PPP2R3C: variants seen among roughly 807,000 people sequenced by gnomAD.
PPP2R3C encodes protein phosphatase 2 regulatory subunit B''gamma, also known as serine/threonine-protein phosphatase 2A regulatory subunit B'' subunit gamma.
PPP2R3C carries 47 observed loss-of-function variants against 63.7 expected under a neutral mutation model. That is an observed-to-expected ratio of 0.74 (90% confidence interval 0.58 to 0.94). PPP2R3C has a LOEUF of 0.94. Among genes scored for constraint, PPP2R3C ranks in the 40% least tolerant of loss-of-function variants. The pLI, the probability that PPP2R3C is intolerant of heterozygous loss-of-function variation, is 0.00. For missense variants in PPP2R3C, 421 were observed against 518.4 expected, an observed-to-expected ratio of 0.81 and a Z score of 1.82; for synonymous variants, 180 against 177.4, an observed-to-expected ratio of 1.01 and a Z score of -0.12.
chr14:35,109,783 C>A (rs1000215315), intron 4 of PPP2R3C, 36 bp downstream of exon 4: 1 of 1,488,218 alleles, frequency 6.7e-7, no homozygotes, highest in African/African-American at 1.4e-5. Flanking sequence ...AAATGCTTAA[C>A]ATAACACATT....
chr14:35,093,222 CA>C (rs1196693677), intron 10 of PPP2R3C, among the ~76,000 whole-genome samples: 1 of 151,570 alleles, frequency 6.6e-6, no homozygotes, highest in African/African-American at 2.4e-5. Flanking sequence ...AAAACAAAAA[CA>C]AAAACAACAA....
intron 2 of PPP2R3C, among the ~76,000 whole-genome samples, chr14:35,114,197 C>A (rs1369990140): frequency 1.3e-5 from 2 of 152,054 alleles, no homozygotes; most frequent in South Asian, 2.1e-4. Flanking sequence ...TACACAGATA[C>A]CCACAGAAAT....
intron 3 of PPP2R3C, chr14:35,110,252 C>T (rs980922085): frequency 8.7e-5 from 38 of 437,816 alleles, no homozygotes; most frequent in African/African-American, 7.5e-4. Context: ...GGATTTGAAC[C>T]TCTGTAGTCT....
chr14:35,096,764 C>T lies in PPP2R3C; in HGVS notation c.707G>A (p.Gly236Glu), dbSNP rs145714144. The change falls in exon 8 of 13, where the codon GGA becomes GAA. Residue 236 changes from glycine to glutamate, a missense_variant and splice_region_variant. By Grantham distance (98) the Gly-to-Glu change is moderately conservative (BLOSUM62 -2). Transcript: ENST00000261475. ...FFFFLDPLRTGKIKIQDILAC... is the reference protein window; with the variant it reads ...FFFFLDPLRTEKIKIQDILAC... The stretch of plus-strand genomic sequence containing the variant: ...TAAAATATCTTGAATTTTTATCTTT[C>T]CTTTAAGAACATAAAGAAACACAAT... The T allele has an allele frequency of 2.5e-6, 4 of 1,573,958 alleles. No homozygotes were observed. Among genetic ancestry groups the T allele is most frequent in the Non-Finnish European group, 3.4e-6 (4 of 1,160,340 alleles).
intron 7 of PPP2R3C, among the ~76,000 whole-genome samples, chr14:35,097,359 T>C (rs554356607): frequency 2.6e-5 from 4 of 152,320 alleles, no homozygotes; most frequent in African/African-American, 9.6e-5. Context: ...ATAGATATAG[T>C]ACTGCTGGTA....
At chr14:35,091,235 G>A in intron 10 of PPP2R3C, 28 bp from the exon 11 acceptor site, 2 of 1,560,928 alleles carry the variant, frequency 1.3e-6, no homozygotes, top group Non-Finnish European at 1.7e-6. Flanking sequence ...ATGTTCATTA[G>A]AGGCCTTAGT....
At chr14:35,117,028 G>A in intron 1 of PPP2R3C, 2 of 456,992 alleles carry the variant, frequency 4.4e-6, no homozygotes, top group South Asian at 1.6e-5. Flanking sequence ...GAACTCTGTA[G>A]AGTGCTCCTA....
In PPP2R3C at chr14:35,085,722, A is replaced by G. The variant is rs1256878179; in HGVS notation, c.1230T>C (p.Asp410=). 3.1e-6 allele frequency: 5 copies of G among 1,612,620 alleles called. No homozygotes were observed. In the South Asian group the frequency reaches 5.5e-5, roughly 18 times the overall value. ...PKDPLKISLQ[D]LINSNQGDTV... ...TGTCTCCTTGATTACTGTTGATTAA[A>G]TCCTGAAGAGAGATTTTCAAAGGAT... Residue 410 remains aspartate, a synonymous_variant, in exon 13 of 13, where the codon GAT becomes GAC. Coordinates refer to ENST00000261475, the MANE Select transcript of PPP2R3C (RefSeq NM_017917.4).
intron 1 of PPP2R3C, among the ~76,000 whole-genome samples, chr14:35,119,250 C>T (rs906595097): frequency 6.6e-6 from 1 of 152,112 alleles, no homozygotes; most frequent in Non-Finnish European, 1.5e-5. Flanking sequence ...GTTGGCCAGG[C>T]TGGTCTTGAA....
rs1315211417 is a variant in PPP2R3C, at chr14:35,085,711, C to T, written c.1241G>A (p.Ser414Asn). ...GGTGGTTACTGTGTCTCCTTGATTA[C>T]TGTTGATTAAATCCTGAAGAGAGAT... ...LKISLQDLIN[S>N]NQGDTVTTIL... Residue 414 changes from serine (S) to asparagine (N), a missense_variant, in exon 13 of 13, where the codon AGT (serine) becomes AAT (asparagine). Ser to Asn is a conservative substitution (Grantham distance 46). Around this residue, in one of 3 missense-constraint regions of PPP2R3C, gnomAD observed 231 missense variants for 264.8 expected, o/e 0.87. Coordinates refer to ENST00000261475, the MANE Select transcript of PPP2R3C (RefSeq NM_017917.4). The T allele has an allele frequency of 1.2e-6, 2 of 1,612,282 alleles. No homozygotes were observed. Among genetic ancestry groups the T allele is most frequent in the East Asian group, 2.2e-5 (1 of 44,860 alleles).
chr14:35,122,279 G>A, upstream of PPP2R3C: 2 of 350,100 alleles, frequency 5.7e-6, no homozygotes, highest in Non-Finnish European at 1.1e-5. Context: ...TGTGCCTTTG[G>A]CGCGTGCGCA....
At chr14:35,094,479 TTTAA>T (rs2045931312) in intron 10 of PPP2R3C, among the ~76,000 whole-genome samples, 1 of 149,132 alleles carries the variant, frequency 6.7e-6, no homozygotes, top group Non-Finnish European at 1.5e-5. Context: ...TCAGCTTTTT[TTTAA>T]AAAAAAAAAA....
At position 35,107,297 on chromosome 14, in the gene PPP2R3C, C is replaced by T. The variant is rs1388699379; in HGVS notation, c.573+7G>A. ...GTTAATATAATATCTATAAGGTTAA[C>T]ACTTACAGATTCCCGAAGGTACCCC... On this transcript the variant is annotated splice_region_variant and intron_variant, in intron 6 of 12. Coordinates refer to ENST00000261475, the MANE Select transcript of PPP2R3C (RefSeq NM_017917.4). 1.9e-6 allele frequency: 3 copies of T among 1,577,418 alleles called. No homozygotes were observed. The highest frequency in any genetic ancestry group is 2.2e-5 in the South Asian group (2 of 90,340).
In PPP2R3C at chr14:35,107,350, C is replaced by G. The variant is rs757320398; in HGVS notation, c.527G>C (p.Gly176Ala). 1 of 1,609,422 alleles carries G rather than the reference C, an allele frequency of 6.2e-7. No individual in the cohort carries two copies. The highest frequency in any genetic ancestry group is 8.5e-7 in the Non-Finnish European group (1 of 1,175,762). ...RKVWLHQTRI[G>A]LSLYDVAGQG... ...CCCAGCGACATCATATAAACTGAGT[C>G]CTATTCTTGTTTGATGAAGCCAAAC... Residue 176 changes from glycine to alanine, a missense_variant, in exon 6 of 13, where the codon GGA becomes GCA. Physicochemically the swap from Gly to Ala is moderately conservative, Grantham distance 60. Transcript: ENST00000261475.
chr14:35,092,789 C>T (rs2045865610), intron 10 of PPP2R3C, among the ~76,000 whole-genome samples: 1 of 152,078 alleles, frequency 6.6e-6, no homozygotes, highest in South Asian at 2.1e-4. Flanking sequence ...ATTTAAATTG[C>T]TATTTTAAAA....
intron 6 of PPP2R3C, 32 bp from the exon 7 acceptor site, chr14:35,099,416 T>C (rs780122775): frequency 1.9e-6 from 3 of 1,577,840 alleles, no homozygotes; most frequent in Admixed American, 4.2e-5. Context: ...GTGTTAAATG[T>C]CCAGTCTTGA....
intron 7 of PPP2R3C, 122 bp from the exon 8 acceptor site, chr14:35,096,886 T>C: frequency 1.0e-6 from 1 of 977,476 alleles, no homozygotes. Flanking sequence ...TTCTAGCTCT[T>C]ATGCTCCAAA....
chr14:35,121,037 T>C (rs551440863), intron 1 of PPP2R3C, among the ~76,000 whole-genome samples: 2 of 151,990 alleles, frequency 1.3e-5, no homozygotes, highest in East Asian at 1.9e-4. Flanking sequence ...GAAAACACGG[T>C]AGACATGACC....
intron 6 of PPP2R3C, chr14:35,099,740 T>TC (rs2046122918): frequency 6.0e-6 from 1 of 167,880 alleles, no homozygotes; most frequent in African/African-American, 2.6e-5. Context: ...TTTCTTTCCC[T>TC]CTTTTTTTTT....
Sources: gnomAD v4.1 joint callset for allele counts (sites outside exome capture counted in the v4.1 genomes callset) on GRCh38, gnomAD v4.1.1 for gene constraint, gnomAD v4.1.1 regional missense constraint, MANE v1.5 for transcripts, NCBI Gene and HGNC (gene_info 2026-07-23, HGNC 2026-07-21) for gene names.